Variants in SMARCA2 observed in about 807,000 individuals in gnomAD.
SMARCA2 encodes SWI/SNF related BAF chromatin remodeling complex subunit ATPase 2, also known as SWI/SNF-related matrix-associated actin-dependent regulator of chromatin subfamily A member 2.
SMARCA2 carries 61 observed loss-of-function variants against 199.8 expected under a neutral mutation model. The observed-to-expected ratio is 0.31, with a 90% CI of 0.25 to 0.38. SMARCA2 has a LOEUF of 0.38. Among genes scored for constraint, SMARCA2 ranks in the 10% least tolerant of loss-of-function variants. The pLI is 1.00. For missense variants in SMARCA2, 1,344 were observed against 2,012.2 expected (o/e 0.67, Z 6.35); for synonymous variants, 935 against 732.0 (o/e 1.28, Z -4.48).
intron 29 of SMARCA2, among the ~76,000 whole-genome samples, chr9:2,180,816 C>A (rs1051437848): frequency 6.6e-6 from 1 of 152,136 alleles, no homozygotes; most frequent in Admixed American, 6.5e-5. Context: ...TGCTATAGAA[C>A]CTGCTTTCAA....
intron 3 of SMARCA2, 163 bp downstream of exon 3, chr9:2,033,244 C>T (rs1416473244): frequency 2.5e-5 from 16 of 652,176 alleles, no homozygotes; most frequent in Non-Finnish European, 4.0e-5. Flanking sequence ...ACCAATACAA[C>T]CTGATGATTT....
At position 2,029,150 on chromosome 9, in the gene SMARCA2, T is replaced by C. The variant is rs1818955638; in HGVS notation, c.128T>C (p.Met43Thr). ...PGPSPGSVHS[M>T]MGPSPGPPSV... The stretch of plus-strand genomic sequence containing the variant: ...CCATCCCCAGGTTCCGTCCACAGCA[T>C]GATGGGGCCAAGTCCTGGACCTCCA... Residue 43 changes from methionine (M) to threonine (T), a missense_variant, in exon 2 of 34, where the codon ATG becomes ACG. Coordinates refer to ENST00000349721, the MANE Select transcript of SMARCA2 (RefSeq NM_003070.5). 1 of 1,612,784 alleles carries C rather than the reference T, an allele frequency of 6.2e-7. No individual in the cohort carries two copies. The highest frequency in any genetic ancestry group is 8.5e-7 in the Non-Finnish European group (1 of 1,179,508).
rs1554624155 is a variant in SMARCA2, at chr9:2,088,894, T to TTTTTTTTTTTTTTA, written c.2883+281_2883+282insTTTTTTTTTTTTTA. ...TTAATTTTAGATTTTTTTTTTTTTT[T>TTTTTTTTTTTTTTA]AAATTACGGACCTCATTGAGTTCAC... On this transcript the variant is annotated intron_variant, in intron 19 of 33. Transcript: ENST00000349721. Among the ~76,000 whole-genome samples, 167 of 151,450 alleles carry TTTTTTTTTTTTTTA rather than the reference T, an allele frequency of 1.1e-3. 2 individuals are homozygous for TTTTTTTTTTTTTTA. The highest frequency in any genetic ancestry group is 3.8e-3 in the African/African-American group (157 of 41,112).
intron 29 of SMARCA2, among the ~76,000 whole-genome samples, chr9:2,176,738 T>C (rs1416597669): frequency 1.3e-5 from 2 of 151,308 alleles, no homozygotes; most frequent in African/African-American, 4.9e-5. Flanking sequence ...TTTTTTTTTT[T>C]GTAGAGATGA....
intron 22 of SMARCA2, among the ~76,000 whole-genome samples, chr9:2,103,795 T>C (rs1349386185): frequency 6.6e-6 from 1 of 152,106 alleles, no homozygotes; most frequent in East Asian, 1.9e-4. Flanking sequence ...GCAATGCACT[T>C]TTCATGGGTT....
intron 27 of SMARCA2, among the ~76,000 whole-genome samples, chr9:2,139,465 G>C (rs546422942): frequency 6.6e-6 from 1 of 152,192 alleles, no homozygotes; most frequent in African/African-American, 2.4e-5. Flanking sequence ...GTGTGATATT[G>C]TGAAGTCCAG....
chr9:2,119,605 C>A lies in SMARCA2; in HGVS notation c.3762+70C>A. ...CCCCTTTTTCTGTTAAGCAGAATGT[C>A]TGCAGCCTGCGTGCCTGGCAGAACT... is the stretch of plus-strand genomic sequence containing the variant. On this transcript the variant is annotated intron_variant, in intron 26 of 33. Transcript: ENST00000349721. This position sits in a 1 kb window ranked among gnomAD's most constrained non-coding sequence, Gnocchi z 4.6. 1 of 1,060,402 alleles carries A rather than the reference C, an allele frequency of 9.4e-7. No individual in the cohort carries two copies. 65.7% of individuals were successfully genotyped at this position (1,060,402 alleles called of 1,614,324 possible).
intron 24 of SMARCA2, among the ~76,000 whole-genome samples, chr9:2,113,125 T>C (rs966856917): frequency 6.6e-6 from 1 of 152,220 alleles, no homozygotes; most frequent in Non-Finnish European, 1.5e-5. Flanking sequence ...TAAGTATGCA[T>C]TATCATGTTG....
At chr9:2,053,905 C>T (rs898142080) in intron 5 of SMARCA2, among the ~76,000 whole-genome samples, 1 of 152,134 alleles carries the variant, frequency 6.6e-6, no homozygotes, top group Non-Finnish European at 1.5e-5. Flanking sequence ...GTGTGTAAAA[C>T]GAGAATCCTC....
At chr9:2,121,384 C>T (rs182603271) in intron 26 of SMARCA2, among the ~76,000 whole-genome samples, 6 of 152,298 alleles carry the variant, frequency 3.9e-5, no homozygotes, top group Admixed American at 3.9e-4. Context: ...TTCTTAAAGG[C>T]TGGCTTCTAT....
chr9:2,186,498 CTTTTATTT>C (rs1211406633), intron 32 of SMARCA2, among the ~76,000 whole-genome samples: 1 of 152,056 alleles, frequency 6.6e-6, no homozygotes, highest in Non-Finnish European at 1.5e-5. Context: ...TGTTTTATTT[CTTTTATTT>C]ATTTATTTTT....
At position 2,157,937 on chromosome 9, in the gene SMARCA2, C is replaced by G. The variant is rs1825455012; in HGVS notation, c.3982-3749C>G. 11 of 398,212 alleles carry G rather than the reference C, an allele frequency of 2.8e-5. No individual in the cohort carries two copies. The South Asian group carries it at 7.6e-4, about 28-fold the overall frequency. The allele number at this position is 398,212 out of a possible 1,614,324, so 24.7% of individuals were successfully genotyped here. A position where few individuals can be genotyped will look rare whatever the true frequency, so the allele number is the denominator to read the frequency against. ...CCACGACTGGACCCACGTGTGGCTG[C>G]TTCCCGGGTCTGCCATGTGCTTTGC... is the stretch of plus-strand genomic sequence containing the variant. On this transcript the variant is annotated intron_variant, in intron 27 of 33. Transcript: ENST00000349721.
intron 27 of SMARCA2, among the ~76,000 whole-genome samples, chr9:2,156,904 C>T (rs1825395475): frequency 6.6e-6 from 1 of 152,188 alleles, no homozygotes. Flanking sequence ...AACCACTGTT[C>T]TCTTTTCTCA....
At chr9:2,117,606 A>T (rs1444081083) in intron 25 of SMARCA2, among the ~76,000 whole-genome samples, 2 of 152,148 alleles carry the variant, frequency 1.3e-5, no homozygotes, top group Admixed American at 1.3e-4. Context: ...ATTTTTGCTT[A>T]TTTGTTTTGT....
chr9:2,084,799 C>T (rs1323925769), intron 17 of SMARCA2, among the ~76,000 whole-genome samples: 3 of 152,112 alleles, frequency 2.0e-5, no homozygotes, highest in Admixed American at 1.3e-4. Flanking sequence ...GTTTCTGTGA[C>T]TTACATGTCT....
At chr9:2,189,481 G>A (rs992644051) in intron 32 of SMARCA2, among the ~76,000 whole-genome samples, 1 of 151,976 alleles carries the variant, frequency 6.6e-6, no homozygotes, top group Non-Finnish European at 1.5e-5. Context: ...CCTGTGTCAG[G>A]GAGAGCCCAC....
intron 19 of SMARCA2, among the ~76,000 whole-genome samples, chr9:2,093,926 T>C: frequency 6.6e-6 from 1 of 152,228 alleles, no homozygotes; most frequent in East Asian, 1.9e-4. Flanking sequence ...TATGTAGATA[T>C]ATGTTGGGAA....
At chr9:2,070,076 A>G (rs1054029774) in intron 9 of SMARCA2, among the ~76,000 whole-genome samples, 1 of 152,184 alleles carries the variant, frequency 6.6e-6, no homozygotes, top group African/African-American at 2.4e-5. Flanking sequence ...ATGTCAGGAT[A>G]TATCTTCCCA....
chr9:2,084,370 CTGTGTGTGTGTG>C lies in SMARCA2; in HGVS notation c.2526+210_2526+221del, dbSNP rs3057851. Among the ~76,000 whole-genome samples the C allele has an allele frequency of 0.16, 20,964 of 132,346 alleles. 1,607 individuals are homozygous for C. Among genetic ancestry groups the C allele is most frequent in the East Asian group, 0.26 (1,171 of 4,574 alleles). 86.8% of individuals were successfully genotyped at this position (132,346 alleles called of 152,430 possible). On this transcript the variant is annotated intron_variant, in intron 17 of 33. Transcript: ENST00000349721. ...GGTCGTGGATTTGATTTCATGCATG[CTGTGTGTGTGTG>C]TGTGTGTGTGTGTGTGTGTGTGTGT...
Sources: allele counts gnomAD v4.1 joint callset (sites outside exome capture counted in the v4.1 genomes callset), GRCh38; gene constraint gnomAD v4.1.1; non-coding constraint Gnocchi (gnomAD v3.1); transcripts MANE v1.5; gene names NCBI Gene and HGNC (gene_info 2026-07-23, HGNC 2026-07-21).